The following MAGI2 variants were observed in gnomAD, a reference collection of about 807,000 sequenced individuals.
The protein encoded by MAGI2 is membrane associated guanylate kinase, WW and PDZ domain containing 2.
Under a neutral mutation model 133.3 loss-of-function variants are expected in MAGI2, and 35 were observed. That is an observed-to-expected ratio of 0.26 (90% confidence interval 0.20 to 0.35). The LOEUF is 0.35. Ranked by LOEUF, MAGI2 falls within the 10% of genes least tolerant of loss-of-function variation. The probability of loss-of-function intolerance (pLI) is 1.00; values close to 1 mark genes in which losing one functional copy is unlikely to be tolerated. For synonymous variants in MAGI2, 729 were observed against 710.6 expected (o/e 1.03, Z -0.41); for missense variants, 1,636 against 1,863.4 (o/e 0.88, Z 2.25).
At chr7:78,465,030 A>C (rs1790473752) in intron 6 of MAGI2, among the ~76,000 whole-genome samples, 1 of 152,200 alleles carries the variant, frequency 6.6e-6, no homozygotes, top group Non-Finnish European at 1.5e-5. Context: ...GAATTGAAAA[A>C]GTTACCTATT....
At chr7:78,158,049 T>G (rs1824570963) in intron 16 of MAGI2, among the ~76,000 whole-genome samples, 1 of 152,204 alleles carries the variant, frequency 6.6e-6, no homozygotes, top group Non-Finnish European at 1.5e-5. Flanking sequence ...TTATTTTTAT[T>G]TTTTTGATAA....
chr7:79,028,235 G>GTATATA (rs1174096501), intron 1 of MAGI2, among the ~76,000 whole-genome samples: 525 of 29,036 alleles, frequency 0.018, 5 homozygotes, highest in Middle Eastern at 0.042. Context: ...ATATATGTAT[G>GTATATA]TATATATATA....
chr7:79,106,952 A>C (rs1301811823), intron 1 of MAGI2, among the ~76,000 whole-genome samples: 2 of 152,172 alleles, frequency 1.3e-5, no homozygotes, highest in African/African-American at 4.8e-5. Flanking sequence ...GCATTTCTCA[A>C]AATGTGGTCC....
chr7:79,050,067 C>T (rs1812535129), intron 1 of MAGI2, among the ~76,000 whole-genome samples: 2 of 152,088 alleles, frequency 1.3e-5, no homozygotes, highest in African/African-American at 2.4e-5. Flanking sequence ...AATTAAGTTC[C>T]TTCAAAGGTG....
At chr7:78,183,974 G>T (rs892958483) in intron 13 of MAGI2, among the ~76,000 whole-genome samples, 3 of 152,306 alleles carry the variant, frequency 2.0e-5, no homozygotes, top group Non-Finnish European at 4.4e-5. Context: ...AATGTGAATT[G>T]CACAGTAACG....
At chr7:78,073,468 C>T (rs117112571) in intron 21 of MAGI2, among the ~76,000 whole-genome samples, 8,115 of 152,070 alleles carry the variant, frequency 0.053, 309 homozygotes, top group Non-Finnish European at 0.08. Context: ...TCATAAAGCC[C>T]TGCCCTATGG....
At chr7:79,119,748 G>T in intron 1 of MAGI2, among the ~76,000 whole-genome samples, 1 of 151,866 alleles carries the variant, frequency 6.6e-6, no homozygotes, top group Non-Finnish European at 1.5e-5. Context: ...ATCTAACATC[G>T]AAGGGAAGGG....
intron 2 of MAGI2, among the ~76,000 whole-genome samples, chr7:78,911,745 T>C (rs922778635): frequency 1.3e-5 from 2 of 152,188 alleles, no homozygotes; most frequent in East Asian, 3.9e-4. Context: ...TGAAGGTTTG[T>C]TCCATAGGTA....
At chr7:79,081,778 A>T (rs1816058735) in intron 1 of MAGI2, among the ~76,000 whole-genome samples, 1 of 152,048 alleles carries the variant, frequency 6.6e-6, no homozygotes, top group African/African-American at 2.4e-5. Flanking sequence ...TCCATATGGG[A>T]TGACACTGGT....
At position 78,343,995 on chromosome 7, in the gene MAGI2, G is replaced by A. The variant is rs765582221; in HGVS notation, c.1226-35C>T. 6 of 1,581,020 alleles carry A rather than the reference G, an allele frequency of 3.8e-6. No individual in the cohort carries two copies. The South Asian group carries it at 5.8e-5, about 15-fold the overall frequency. Reference sequence around the variant, plus strand: ...CCAATATAAGTTAAAAAAGAAAAAGGCATGTTCAAGTCAAGTTCTCAGACA... The same window carrying A: ...CCAATATAAGTTAAAAAAGAAAAAGACATGTTCAAGTCAAGTTCTCAGACA... On this transcript the variant is annotated intron_variant, in intron 8 of 21. Coordinates refer to ENST00000354212, the MANE Select transcript of MAGI2 (RefSeq NM_012301.4).
intron 1 of MAGI2, among the ~76,000 whole-genome samples, chr7:79,349,666 T>G (rs1470084170): frequency 1.3e-5 from 2 of 152,024 alleles, no homozygotes; most frequent in African/African-American, 4.8e-5. Context: ...ATAATCTGCT[T>G]CCATGCTTAT....
chr7:79,249,190 T>C (rs1237043312), intron 1 of MAGI2, among the ~76,000 whole-genome samples: 1 of 152,072 alleles, frequency 6.6e-6, no homozygotes, highest in Non-Finnish European at 1.5e-5. Flanking sequence ...AATAGAAAAG[T>C]TTATGGCGAT....
chr7:78,238,442 C>A (rs568764793), intron 10 of MAGI2, among the ~76,000 whole-genome samples: 4 of 151,868 alleles, frequency 2.6e-5, no homozygotes, highest in African/African-American at 9.7e-5. Flanking sequence ...GGTACATGCC[C>A]GTAGTACCAG....
intron 3 of MAGI2, among the ~76,000 whole-genome samples, chr7:78,605,403 A>G (rs1805697270): frequency 6.6e-6 from 1 of 152,194 alleles, no homozygotes; most frequent in African/African-American, 2.4e-5. Flanking sequence ...TGACCTCTTA[A>G]AGAGAAATAT....
chr7:78,545,397 G>T (rs1381249997), intron 3 of MAGI2, among the ~76,000 whole-genome samples: 2 of 151,928 alleles, frequency 1.3e-5, no homozygotes, highest in Non-Finnish European at 2.9e-5. Context: ...ATTTTTAGCA[G>T]AGAAGGGGAT....
At chr7:78,854,778 C>T (rs1355311248) in intron 2 of MAGI2, among the ~76,000 whole-genome samples, 1 of 151,890 alleles carries the variant, frequency 6.6e-6, no homozygotes, top group Non-Finnish European at 1.5e-5. Flanking sequence ...CTTCTTGTTA[C>T]AGATTGGTAT....
At chr7:79,334,727 A>C (rs1746335063) in intron 1 of MAGI2, among the ~76,000 whole-genome samples, 1 of 152,192 alleles carries the variant, frequency 6.6e-6, no homozygotes, top group African/African-American at 2.4e-5. Context: ...AATACAGGAA[A>C]TATAAAAATG....
At chr7:79,152,218 C>A (rs1288013375) in intron 1 of MAGI2, among the ~76,000 whole-genome samples, 1 of 152,116 alleles carries the variant, frequency 6.6e-6, no homozygotes, top group South Asian at 2.1e-4. Flanking sequence ...ATTGAAACAT[C>A]ACTAGAGAAA....
At chr7:78,497,766 T>TCTGTCTGTCTATCTATCTATCTA (rs1385517709) in intron 5 of MAGI2, among the ~76,000 whole-genome samples, 2,483 of 135,418 alleles carry the variant, frequency 0.018, 50 homozygotes, top group Non-Finnish European at 0.03. Flanking sequence ...CTATCTATCT[T>TCTGTCTGTCTATCTATCTATCTA]TCTATCTTAT....
Sources: gnomAD v4.1 joint callset for allele counts (sites outside exome capture counted in the v4.1 genomes callset) on GRCh38, gnomAD v4.1.1 for gene constraint, MANE v1.5 for transcripts, NCBI Gene and HGNC (gene_info 2026-07-23, HGNC 2026-07-21) for gene names.